Variants in IGF1R observed in about 807,000 individuals in gnomAD.
IGF1R encodes the protein insulin like growth factor 1 receptor.
Under a neutral mutation model 144.6 loss-of-function variants are expected in IGF1R, and 44 were observed. The ratio of observed to expected loss-of-function variants is 0.30; its 90% CI spans 0.24 to 0.39. The LOEUF (loss-of-function observed/expected upper bound fraction) is 0.39. IGF1R is among the 10% of genes least tolerant of loss of function. The pLI, the probability that IGF1R is intolerant of heterozygous loss-of-function variation, is 1.00. For missense variants in IGF1R, 1,355 were observed against 1,833.7 expected, an observed-to-expected ratio of 0.74 and a Z score of 4.77; for synonymous variants, 795 against 722.8, an observed-to-expected ratio of 1.10 and a Z score of -1.60.
chr15:98,676,872 G>A (rs2141207161), intron 1 of IGF1R, among the ~76,000 whole-genome samples: 1 of 152,182 alleles, frequency 6.6e-6, no homozygotes, highest in Non-Finnish European at 1.5e-5. Flanking sequence ...TGTTGCTAAT[G>A]TAGAAGGAAT....
At chr15:98,841,288 A>T (rs1049903435) in intron 2 of IGF1R, among the ~76,000 whole-genome samples, 2 of 152,216 alleles carry the variant, frequency 1.3e-5, no homozygotes, top group African/African-American at 4.8e-5. Flanking sequence ...TTGGGTTCAA[A>T]TCCTTGGCCT....
chr15:98,718,535 G>T (rs78102937), intron 2 of IGF1R, among the ~76,000 whole-genome samples: 4,729 of 152,294 alleles, frequency 0.031, 102 homozygotes, highest in African/African-American at 0.059. Flanking sequence ...TGTGACTGAG[G>T]CTCGCTGGCC....
intron 2 of IGF1R, among the ~76,000 whole-genome samples, chr15:98,876,860 G>C (rs2013087909): frequency 6.6e-6 from 1 of 152,208 alleles, no homozygotes. Flanking sequence ...CTGGATAAGA[G>C]TTTACTTTGA....
chr15:98,835,258 A>G (rs1046496359), intron 2 of IGF1R, among the ~76,000 whole-genome samples: 1 of 152,008 alleles, frequency 6.6e-6, no homozygotes, highest in Non-Finnish European at 1.5e-5. Flanking sequence ...AGAGGCTACA[A>G]CAACTGTAGC....
chr15:98,905,296 A>G (rs182805325), intron 5 of IGF1R, among the ~76,000 whole-genome samples: 1 of 152,162 alleles, frequency 6.6e-6, no homozygotes, highest in Non-Finnish European at 1.5e-5. Flanking sequence ...AACATAGAGA[A>G]GGCTGAGAAC....
chr15:98,906,354 A>C (rs571673544), intron 5 of IGF1R, among the ~76,000 whole-genome samples: 62 of 152,348 alleles, frequency 4.1e-4, no homozygotes, highest in African/African-American at 1.4e-3. Context: ...AGGTTTCTTC[A>C]TCAACAAGGA....
chr15:98,918,602 C>T (rs1357506715), intron 10 of IGF1R, among the ~76,000 whole-genome samples: 2 of 152,072 alleles, frequency 1.3e-5, no homozygotes, highest in African/African-American at 4.8e-5. Flanking sequence ...CCAGAGCAGC[C>T]AGGCGCGGTG....
At chr15:98,831,188 C>A (rs1408209815) in intron 2 of IGF1R, among the ~76,000 whole-genome samples, 1 of 152,202 alleles carries the variant, frequency 6.6e-6, no homozygotes, top group African/African-American at 2.4e-5. Flanking sequence ...ATATCTACGA[C>A]CAAATTTTCC....
chr15:98,795,305 TA>T (rs1252740100), intron 2 of IGF1R, among the ~76,000 whole-genome samples: 24 of 152,268 alleles, frequency 1.6e-4, no homozygotes, highest in African/African-American at 4.6e-4. Flanking sequence ...TAAATTCATG[TA>T]TTTTTTTGGT....
intron 2 of IGF1R, among the ~76,000 whole-genome samples, chr15:98,711,155 G>A (rs1385992574): frequency 6.6e-6 from 1 of 152,126 alleles, no homozygotes; most frequent in Admixed American, 6.5e-5. Context: ...AGAACCCTTA[G>A]GAATCATTTG....
At chr15:98,915,023 A>G (rs1027378848) in intron 8 of IGF1R, among the ~76,000 whole-genome samples, 5 of 152,196 alleles carry the variant, frequency 3.3e-5, no homozygotes, top group African/African-American at 1.2e-4. Flanking sequence ...AGCACCCTCA[A>G]GCTGTCCGCC....
intron 10 of IGF1R, among the ~76,000 whole-genome samples, chr15:98,921,304 T>A (rs181817600): frequency 6.6e-6 from 1 of 152,342 alleles, no homozygotes; most frequent in African/African-American, 2.4e-5. Flanking sequence ...TTCTTCATAT[T>A]TGACCAAAGC....
rs2017131811 is a variant in IGF1R, at chr15:98,959,267, A to G, written c.*1825A>G. The G allele has an allele frequency of 8.6e-6, 2 of 233,208 alleles. No individual in the cohort carries two copies. Among genetic ancestry groups the G allele is most frequent in the East Asian group, 6.0e-5 (1 of 16,574 alleles). The allele number at this position is 233,208 out of a possible 1,614,324, so 14.4% of individuals were successfully genotyped here. A position where few individuals can be genotyped will look rare whatever the true frequency, so the allele number is the denominator to read the frequency against. On this transcript the variant is annotated 3_prime_UTR_variant, in exon 21 of 21. Transcript: ENST00000650285. ...GCAGACACTAGGCATTTGGATTACT[A>G]TTTTTCTTAATGGCTATTTAATCCT...
chr15:98,821,292 C>T (rs527620710), intron 2 of IGF1R, among the ~76,000 whole-genome samples: 6 of 151,374 alleles, frequency 4.0e-5, no homozygotes, highest in South Asian at 4.2e-4. Flanking sequence ...CTCCCCCCCC[C>T]CTTTTTAAAC....
chr15:98,922,038 A>G (rs1389239544), intron 10 of IGF1R, 110 bp from the exon 11 acceptor site: 4 of 1,214,028 alleles, frequency 3.3e-6, no homozygotes, highest in Non-Finnish European at 4.8e-6. Context: ...AGGGGGCTCA[A>G]TAGCTCCTTC....
chr15:98,805,099 C>T (rs1567137347), intron 2 of IGF1R, among the ~76,000 whole-genome samples: 1 of 152,198 alleles, frequency 6.6e-6, no homozygotes, highest in Admixed American at 6.5e-5. Flanking sequence ...AAGGCATTCT[C>T]TTTTGGGAGT....
intron 2 of IGF1R, among the ~76,000 whole-genome samples, chr15:98,725,188 G>A (rs1190591278): frequency 1.3e-5 from 2 of 152,168 alleles, no homozygotes; most frequent in Non-Finnish European, 2.9e-5. Flanking sequence ...CTAATACATT[G>A]CAAGTGGTGC....
intron 1 of IGF1R, among the ~76,000 whole-genome samples, chr15:98,691,158 G>A (rs1567078009): frequency 6.6e-6 from 1 of 152,100 alleles, no homozygotes; most frequent in Non-Finnish European, 1.5e-5. Flanking sequence ...GATTTTACCA[G>A]TTTTGCCCAA....
intron 1 of IGF1R, among the ~76,000 whole-genome samples, chr15:98,655,424 T>C (rs760974243): frequency 1.3e-5 from 2 of 152,230 alleles, no homozygotes; most frequent in Non-Finnish European, 2.9e-5. Flanking sequence ...ATGCCGGCTT[T>C]ACTTATGTTT....
Sources: allele counts gnomAD v4.1 joint callset (sites outside exome capture counted in the v4.1 genomes callset), GRCh38; gene constraint gnomAD v4.1.1; transcripts MANE v1.5; gene names NCBI Gene and HGNC (gene_info 2026-07-23, HGNC 2026-07-21).